Variants in EXOSC4 observed in about 807,000 individuals in gnomAD.
EXOSC4 encodes the protein exosome complex component RRP41.
In EXOSC4, 14 loss-of-function variants were observed where a neutral mutation model predicts 20.0. The observed-to-expected ratio is 0.70, with a 90% confidence interval of 0.46 to 1.09. The LOEUF is 1.09. EXOSC4 is among the 50% of genes least tolerant of loss of function. The pLI is 0.00. For missense variants in EXOSC4, 337 were observed against 334.0 expected (o/e 1.01, Z -0.07); for synonymous variants, 148 against 146.4 (o/e 1.01, Z -0.08).
chr8:144,075,820 T>G (rs1160139559), upstream of EXOSC4, among the ~76,000 whole-genome samples: 1 of 152,274 alleles, frequency 6.6e-6, no homozygotes. Flanking sequence ...GTTTGTAGTA[T>G]TTGACAACTT....
At chr8:144,066,193 G>C in the EXOSC4 span, among the ~76,000 whole-genome samples, 1 of 148,802 alleles carries the variant, frequency 6.7e-6, no homozygotes, top group Admixed American at 6.7e-5. Context: ...ATTTTTTTTT[G>C]TATTTTTAGT....
chr8:144,080,250 G>A lies in EXOSC4; in HGVS notation c.387G>A (p.Gln129=), dbSNP rs201621803. 160 of 1,613,326 alleles carry A rather than the reference G, an allele frequency of 9.9e-5. 4 individuals are homozygous for A. In the South Asian group the frequency reaches 1.6e-3, roughly 17 times the overall value. Residue 129 remains glutamine, a synonymous_variant, in exon 3 of 3, where the codon CAG becomes CAA. Coordinates refer to ENST00000316052, the MANE Select transcript of EXOSC4 (RefSeq NM_019037.3). This position sits in a 1 kb window ranked among gnomAD's most constrained non-coding sequence, Gnocchi z 4.9. ...CCCTGGGTTCCCTGCAGGTGCTACA[G>A]GCAGATGGTGGGACCTATGCAGCTT... The part of the protein sequence containing the change: ...SQIDIYVQVL[Q]ADGGTYAACV...
At chr8:144,064,433 G>C in the EXOSC4 span, among the ~76,000 whole-genome samples, 8 of 152,260 alleles carry the variant, frequency 5.3e-5, no homozygotes, top group African/African-American at 1.9e-4. Flanking sequence ...TGCAGGATGG[G>C]GCCCAGCAAC....
chr8:144,078,935 G>C lies in EXOSC4; in HGVS notation c.171+36G>C. 2 of 1,437,186 alleles carry C rather than the reference G, an allele frequency of 1.4e-6. No homozygotes were observed. Among genetic ancestry groups the C allele is most frequent in the Non-Finnish European group, 1.8e-6 (2 of 1,093,624 alleles). 89.0% of individuals were successfully genotyped at this position (1,437,186 alleles called of 1,614,324 possible). On this transcript the variant is annotated intron_variant, in intron 1 of 2. Transcript: ENST00000316052. This position sits in a 1 kb window ranked among gnomAD's most constrained non-coding sequence, Gnocchi z 4.7. ...GCGCGGGATGGGGAATCGTGTGGCCGTGGGAGCTGCGGGGCAGCCGGGCTG... is the reference window on the plus strand; with the variant it reads ...GCGCGGGATGGGGAATCGTGTGGCCCTGGGAGCTGCGGGGCAGCCGGGCTG...
In EXOSC4 at chr8:144,079,790, G is replaced by C. The variant is rs782620819; in HGVS notation, c.172-153G>C. 7.4e-6 allele frequency: 6 copies of C among 813,124 alleles called. No individual in the cohort carries two copies. In the East Asian group the frequency reaches 1.5e-4, roughly 20 times the overall value. 50.4% of individuals were successfully genotyped at this position (813,124 alleles called of 1,614,324 possible). On this transcript the variant is annotated intron_variant, in intron 1 of 2. Transcript: ENST00000316052. ...AGGTGCCAGAGGGCGACACATGCAA[G>C]ACAGAGAGCGCAAAACAGGGGGCTT... is the stretch of plus-strand genomic sequence containing the variant.
chr8:144,067,645 A>T, the EXOSC4 span, among the ~76,000 whole-genome samples: 1 of 152,230 alleles, frequency 6.6e-6, no homozygotes. Context: ...TCAAGCAAGA[A>T]TCCGATATTT....
the EXOSC4 span, among the ~76,000 whole-genome samples, chr8:144,067,447 G>A: frequency 1.4e-4 from 22 of 152,196 alleles, no homozygotes; most frequent in Non-Finnish European, 2.9e-4. Context: ...AGCAAGGAAT[G>A]TGGGCAGCTT....
rs1303927908 is a variant in EXOSC4, at chr8:144,078,847, A to G, written c.119A>G (p.Tyr40Cys). 7 of 1,577,102 alleles carry G rather than the reference A, an allele frequency of 4.4e-6. No homozygotes were observed. Among genetic ancestry groups the G allele is most frequent in the South Asian group, 3.4e-5 (3 of 87,124 alleles). ...TTCGCGCAGGCTGACGGCTCGGCCT[A>G]CATTGAGCAGGGCAACACCAAGGCA... ...GVFAQADGSA[Y>C]IEQGNTKALA... Residue 40 changes from tyrosine to cysteine, a missense_variant, in exon 1 of 3, where the codon TAC becomes TGC. Coordinates refer to ENST00000316052, the MANE Select transcript of EXOSC4 (RefSeq NM_019037.3). This position sits in a 1 kb window ranked among gnomAD's most constrained non-coding sequence, Gnocchi z 4.7.
upstream of EXOSC4, among the ~76,000 whole-genome samples, chr8:144,074,632 C>T (rs181414538): frequency 5.5e-4 from 83 of 152,216 alleles, no homozygotes; most frequent in Non-Finnish European, 1.1e-3. Context: ...TACCGTGGCA[C>T]GATCATAGCT....
At chr8:144,066,183 A>AT in the EXOSC4 span, among the ~76,000 whole-genome samples, 216 of 148,252 alleles carry the variant, frequency 1.5e-3, 1 homozygote, top group Non-Finnish European at 1.8e-3. Flanking sequence ...CACCTGGCTG[A>AT]TTTTTTTTTG....
upstream of EXOSC4, among the ~76,000 whole-genome samples, chr8:144,073,886 C>A (rs1360858013): frequency 6.6e-6 from 1 of 152,044 alleles, no homozygotes; most frequent in Non-Finnish European, 1.5e-5. Flanking sequence ...CACCTTAGAG[C>A]CTACTGTGTG....
At chr8:144,076,308 GC>G (rs1392541468), upstream of EXOSC4, among the ~76,000 whole-genome samples, 11 of 152,166 alleles carry the variant, frequency 7.2e-5, no homozygotes, top group East Asian at 2.1e-3. Context: ...TTTTCTCTTT[GC>G]TGATTCAGAC....
At chr8:144,079,559 A>G (rs1835874481) in intron 1 of EXOSC4, 1 of 373,576 alleles carries the variant, frequency 2.7e-6, no homozygotes, top group Non-Finnish European at 5.2e-6. Context: ...GATAACTCCA[A>G]ATCAGGTTGA....
chr8:144,070,256 T>C, the EXOSC4 span, among the ~76,000 whole-genome samples: 1 of 152,122 alleles, frequency 6.6e-6, no homozygotes, highest in African/African-American at 2.4e-5. Flanking sequence ...TTGGGGGGCG[T>C]GGCTCACACC....
chr8:144,075,674 A>G (rs1355071653), upstream of EXOSC4, among the ~76,000 whole-genome samples: 4 of 152,220 alleles, frequency 2.6e-5, no homozygotes, highest in African/African-American at 9.6e-5. Context: ...CGTCTGCCAT[A>G]TTCTTTCTAC....
chr8:144,073,365 G>A, the EXOSC4 span, among the ~76,000 whole-genome samples: 2 of 152,182 alleles, frequency 1.3e-5, no homozygotes, highest in African/African-American at 2.4e-5. Context: ...CAGCCTGGGC[G>A]ACAGAATGAG....
Position 144,080,082 on chromosome 8 carries a change from G to A in EXOSC4, c.311G>A (p.Arg104His), listed in dbSNP as rs201630396. 3.7e-6 allele frequency: 6 copies of A among 1,614,084 alleles called. No individual in the cohort carries two copies. Among genetic ancestry groups the A allele is most frequent in the Middle Eastern group, 1.6e-4 (1 of 6,062 alleles). ...TCCTGTGAGATGGGCCTGCAGCTCCGCCAGACTTTCGAAGCAGCCATCCTC... is the reference window on the plus strand; with the variant it reads ...TCCTGTGAGATGGGCCTGCAGCTCCACCAGACTTTCGAAGCAGCCATCCTC... ...RKSCEMGLQL[R>H]QTFEAAILTQ... Residue 104 changes from arginine (R) to histidine (H), a missense_variant, in exon 2 of 3, where the codon CGC becomes CAC. Physicochemically the swap from Arg to His is conservative, Grantham distance 29. Coordinates refer to ENST00000316052, the MANE Select transcript of EXOSC4 (RefSeq NM_019037.3). The surrounding 1 kb of genome is among the most constrained non-coding windows in gnomAD (Gnocchi z 4.9).
chr8:144,078,999 G>A lies in EXOSC4; in HGVS notation c.171+100G>A. On this transcript the variant is annotated intron_variant, in intron 1 of 2. Transcript: ENST00000316052. This position sits in a 1 kb window ranked among gnomAD's most constrained non-coding sequence, Gnocchi z 4.7. ...GGACTTGAGGGGCAACGGCCGGCGC[G>A]CCTCAGTCTACACAGCCGATGCTCA... is the stretch of plus-strand genomic sequence containing the variant. 7.8e-7 allele frequency: 1 copy of A among 1,283,394 alleles called. No individual in the cohort carries two copies. Among genetic ancestry groups the A allele is most frequent in the Non-Finnish European group, 1.0e-6 (1 of 993,814 alleles). 79.5% of individuals were successfully genotyped at this position (1,283,394 alleles called of 1,614,324 possible).
chr8:144,072,189 G>GT, the EXOSC4 span, among the ~76,000 whole-genome samples: 100 of 150,172 alleles, frequency 6.7e-4, no homozygotes, highest in Admixed American at 1.1e-3. Context: ...GTTTTGTTTT[G>GT]TTTTTTTTTG....
Sources: allele counts gnomAD v4.1 joint callset (sites outside exome capture counted in the v4.1 genomes callset), GRCh38; gene constraint gnomAD v4.1.1; non-coding constraint Gnocchi (gnomAD v3.1); transcripts MANE v1.5; gene names NCBI Gene and HGNC (gene_info 2026-07-23, HGNC 2026-07-21).